Variants in CERK observed in about 807,000 individuals in gnomAD.
CERK encodes the protein ceramide kinase.
CERK carries 39 observed loss-of-function variants against 63.4 expected under a neutral mutation model. The observed-to-expected ratio is 0.61, with a 90% CI of 0.48 to 0.80. CERK has a LOEUF of 0.80. Ranked by LOEUF, CERK falls within the 30% of genes least tolerant of loss-of-function variation. The probability of loss-of-function intolerance (pLI) is 0.00; values close to 1 mark genes in which losing one functional copy is unlikely to be tolerated. For missense variants in CERK, 670 were observed against 714.1 expected (o/e 0.94, Z 0.70); for synonymous variants, 302 against 280.0 (o/e 1.08, Z -0.78).
At chr22:46,718,488 G>A (rs1439689022) in intron 3 of CERK, among the ~76,000 whole-genome samples, 1 of 152,184 alleles carries the variant, frequency 6.6e-6, no homozygotes, top group East Asian at 1.9e-4. Flanking sequence ...GGTGGTTTGA[G>A]ATGTGAGGAC....
At chr22:46,732,652 C>A (rs1030935437) in intron 1 of CERK, among the ~76,000 whole-genome samples, 1 of 151,286 alleles carries the variant, frequency 6.6e-6, no homozygotes, top group African/African-American at 2.4e-5. Flanking sequence ...CCTAGCAGTT[C>A]CCACTTCCCA....
rs369089061 is a variant in CERK, at chr22:46,690,067, G to C, written c.1466C>G (p.Ser489Cys). The C allele has an allele frequency of 2.0e-5, 32 of 1,613,676 alleles. No individual in the cohort carries two copies. Among genetic ancestry groups the C allele is most frequent in the Non-Finnish European group, 2.5e-5 (29 of 1,179,964 alleles). ...RFGHICSSHPSCCCTVSNSSW... is the reference protein window; with the variant it reads ...RFGHICSSHPCCCCTVSNSSW... ...GCTGTTGGAGACGGTGCAGCAGCAGGAGGGGTGGCTGCTGCAAATGTGCCC... is the reference window on the plus strand; with the variant it reads ...GCTGTTGGAGACGGTGCAGCAGCAGCAGGGGTGGCTGCTGCAAATGTGCCC... Residue 489 changes from serine (S) to cysteine (C), a missense_variant, in exon 12 of 13, where the codon TCC (serine) becomes TGC (cysteine). Transcript: ENST00000216264.
At chr22:46,729,564 C>A (rs533116255) in intron 1 of CERK, among the ~76,000 whole-genome samples, 1 of 151,982 alleles carries the variant, frequency 6.6e-6, no homozygotes, top group African/African-American at 2.4e-5. Context: ...ATGCACAACA[C>A]CCAGCCTCCA....
chr22:46,731,996 G>A (rs1325501412), intron 1 of CERK, among the ~76,000 whole-genome samples: 1 of 152,214 alleles, frequency 6.6e-6, no homozygotes, highest in Non-Finnish European at 1.5e-5. Flanking sequence ...CAGCAGGAGG[G>A]GTCGGGAGGG....
intron 8 of CERK, among the ~76,000 whole-genome samples, chr22:46,698,067 G>A (rs1244838272): frequency 1.3e-5 from 2 of 152,212 alleles, no homozygotes; most frequent in Non-Finnish European, 1.5e-5. Context: ...GGGGGTCCCC[G>A]CAGCCTGGGT....
chr22:46,693,569 C>T (rs2082742258), intron 9 of CERK, 66 bp from the exon 10 acceptor site: 1 of 1,261,722 alleles, frequency 7.9e-7, no homozygotes, highest in Non-Finnish European at 1.2e-6. Flanking sequence ...ATGCTTGGCA[C>T]ATATAGATGT....
rs144862427 is a variant in CERK at position 46,690,000 on chromosome 22, G to A, written c.1533C>T (p.Ile511=). The part of the protein sequence containing the change: ...CDGEVLHSPA[I]EVRVHCQLVR... ...AGGACCCCTGCACGCACCTGACCTC[G>A]ATGGCAGGGCTGTGCAGGACCTCCC... Residue 511 remains isoleucine (I), a synonymous_variant, in exon 12 of 13, where the codon ATC becomes ATT. Transcript: ENST00000216264. The A allele has an allele frequency of 1.2e-4, 196 of 1,604,880 alleles. No individual in the cohort carries two copies. The highest frequency in any genetic ancestry group is 1.5e-4 in the Non-Finnish European group (174 of 1,179,054).
rs2082839077 is a variant in CERK at position 46,711,148 on chromosome 22, A to T, written c.507T>A (p.Val169=). The change falls in exon 5 of 13, where the codon GTT becomes GTA. Residue 169 remains valine (V), a splice_region_variant and synonymous_variant. Transcript: ENST00000216264. ...CCTTGGCCTGATTAGCATGTTCAGT[A>T]ACTGTGGGGAAAAATTACATCACAC... ...TLASITTDII[V]TEHANQAKET... is the part of the protein sequence containing the mutation. The T allele has an allele frequency of 6.2e-7, 1 of 1,612,244 alleles. No homozygotes were observed. The highest frequency in any genetic ancestry group is 8.5e-7 in the Non-Finnish European group (1 of 1,178,280).
chr22:46,690,308 A>G (rs2082724127), intron 11 of CERK, 108 bp from the exon 12 acceptor site: 2 of 766,334 alleles, frequency 2.6e-6, no homozygotes, highest in Non-Finnish European at 4.2e-6. Flanking sequence ...CTGGGTGCAC[A>G]CACGGCCCTT....
At chr22:46,693,166 G>A (rs2082739859) in intron 10 of CERK, among the ~76,000 whole-genome samples, 1 of 152,132 alleles carries the variant, frequency 6.6e-6, no homozygotes, top group South Asian at 2.1e-4. Flanking sequence ...CCTGGGACAG[G>A]AGTCCAGACT....
At position 46,719,796 on chromosome 22, in the gene CERK, C is replaced by T. The variant is rs182043754; in HGVS notation, c.379+290G>A. ...CGAATGTAAAAGCTATTACCATCTC[C>T]GCTTCCAGAAAGAGAAACTGAGGCT... On this transcript the variant is annotated intron_variant, in intron 3 of 12. Transcript: ENST00000216264. Among the ~76,000 whole-genome samples, 92 of 152,356 alleles carry T rather than the reference C, an allele frequency of 6.0e-4. No homozygotes were observed. The Middle Eastern group carries it at 0.014, about 23-fold the overall frequency.
In CERK at chr22:46,699,480, G is replaced by A. The variant is rs753802761; in HGVS notation, c.791-15C>T. ...CAGCGAGTCCCCTGTGGGAGAGAACGGCCGTGAGGGAAGGCAGCCCCCCTC... is the reference window on the plus strand; with the variant it reads ...CAGCGAGTCCCCTGTGGGAGAGAACAGCCGTGAGGGAAGGCAGCCCCCCTC... On this transcript the variant is annotated splice_polypyrimidine_tract_variant and intron_variant, in intron 7 of 12. Transcript: ENST00000216264. The A allele has an allele frequency of 2.9e-5, 47 of 1,613,070 alleles. No individual in the cohort carries two copies. The highest frequency in any genetic ancestry group is 2.7e-4 in the African/African-American group (20 of 75,032).
chr22:46,698,041 C>T (rs1235259281), intron 8 of CERK, among the ~76,000 whole-genome samples: 3 of 152,226 alleles, frequency 2.0e-5, no homozygotes, highest in Admixed American at 6.5e-5. Context: ...CCAGACCTGC[C>T]GTGTTGGATG....
intron 5 of CERK, among the ~76,000 whole-genome samples, chr22:46,710,364 G>A (rs1007510792): frequency 5.9e-5 from 9 of 151,518 alleles, no homozygotes; most frequent in African/African-American, 1.9e-4. Context: ...GACTTGGGAG[G>A]CCGAAGCTGC....
chr22:46,719,607 G>T (rs1353626088), intron 3 of CERK, among the ~76,000 whole-genome samples: 1 of 152,186 alleles, frequency 6.6e-6, no homozygotes, highest in Non-Finnish European at 1.5e-5. Context: ...AGGAGGTGGT[G>T]GTTGCAGTGA....
intron 3 of CERK, among the ~76,000 whole-genome samples, chr22:46,716,407 T>G (rs1039366476): frequency 6.7e-6 from 1 of 150,364 alleles, no homozygotes; most frequent in East Asian, 2.0e-4. Flanking sequence ...GCCAGGCTGG[T>G]CCCGAACTCT....
Position 46,686,939 on chromosome 22 carries a change from C to A in CERK, c.*195G>T. ...AGAGTAAGCGGCGTGGGCTGCAACC[C>A]GCAGATGCGTACAGAACTGAAAATG... is the stretch of plus-strand genomic sequence containing the variant. On this transcript the variant is annotated 3_prime_UTR_variant, in exon 13 of 13. Transcript: ENST00000216264. The A allele has an allele frequency of 1.8e-6, 1 of 560,118 alleles. No individual in the cohort carries two copies. The highest frequency in any genetic ancestry group is 3.0e-5 in the East Asian group (1 of 33,836). 34.7% of individuals were successfully genotyped at this position (560,118 alleles called of 1,614,324 possible). A position where few individuals can be genotyped will look rare whatever the true frequency, so the allele number is the denominator to read the frequency against.
At chr22:46,697,255 G>A (rs549285783) in intron 8 of CERK, among the ~76,000 whole-genome samples, 7 of 152,168 alleles carry the variant, frequency 4.6e-5, no homozygotes, top group South Asian at 2.1e-4. Context: ...AAAGTCGACC[G>A]GGCAGCGAGA....
chr22:46,714,859 A>C lies in CERK; in HGVS notation c.380-2566T>G. Among the ~76,000 whole-genome samples the C allele has an allele frequency of 6.6e-6, 1 of 152,288 alleles. No individual in the cohort carries two copies. Among genetic ancestry groups the C allele is most frequent in the South Asian group, 2.1e-4 (1 of 4,828 alleles). Reference sequence around the variant, plus strand: ...CCCTCCCCTGAACCTACGTGCAAAAATCCTAAACACAATATCGGTAAGTCA... The same window carrying C: ...CCCTCCCCTGAACCTACGTGCAAAACTCCTAAACACAATATCGGTAAGTCA... On this transcript the variant is annotated intron_variant, in intron 3 of 12. Coordinates refer to ENST00000216264, the MANE Select transcript of CERK (RefSeq NM_022766.6). The surrounding 1 kb of genome is among the most constrained non-coding windows in gnomAD (Gnocchi z 4.4).
Sources: allele counts gnomAD v4.1 joint callset (sites outside exome capture counted in the v4.1 genomes callset), GRCh38; gene constraint gnomAD v4.1.1; non-coding constraint Gnocchi (gnomAD v3.1); transcripts MANE v1.5; gene names NCBI Gene and HGNC (gene_info 2026-07-23, HGNC 2026-07-21).